The following HMOX2 variants were observed in gnomAD, a reference collection of about 807,000 sequenced individuals.
The protein encoded by HMOX2 is heme oxygenase (decycling) 2.
A neutral mutation model predicts 33.7 loss-of-function variants in HMOX2; 30 were observed. That is an observed-to-expected ratio of 0.89 (90% CI 0.67 to 1.21). The LOEUF (loss-of-function observed/expected upper bound fraction) is 1.21, where lower values mean the gene tolerates loss of function less well. HMOX2 is among the 50% of genes most tolerant of loss of function. The pLI, the probability that HMOX2 is intolerant of heterozygous loss-of-function variation, is 0.00. For synonymous variants in HMOX2, 155 were observed against 155.0 expected (o/e 1.00, Z 0.00); for missense variants, 403 against 399.1 (o/e 1.01, Z -0.08).
intron 1 of HMOX2, among the ~76,000 whole-genome samples, chr16:4,498,374 TCTTAA>T (rs2058475724): frequency 6.7e-6 from 1 of 150,154 alleles, no homozygotes; most frequent in South Asian, 2.1e-4. Flanking sequence ...CTGGATTCAG[TCTTAA>T]CTTGCTCTTT....
chr16:4,492,179 A>G (rs1395034143), intron 1 of HMOX2, among the ~76,000 whole-genome samples: 1 of 151,964 alleles, frequency 6.6e-6, no homozygotes, highest in African/African-American at 2.4e-5. Context: ...TCTACAAAAT[A>G]CTTTTTAAAA....
At chr16:4,508,443 C>T (rs1164170540) in intron 4 of HMOX2, among the ~76,000 whole-genome samples, 2 of 152,200 alleles carry the variant, frequency 1.3e-5, no homozygotes, top group East Asian at 1.9e-4. Flanking sequence ...TGAGTCCTCT[C>T]GCACATAGAG....
rs534817550 is a variant in HMOX2, at chr16:4,497,572, A to G, written c.-41-7912A>G. On this transcript the variant is annotated intron_variant, in intron 1 of 5. Coordinates refer to ENST00000570646, the MANE Select transcript of HMOX2 (RefSeq NM_002134.4). ...TCTACCAGGACTCATCATTGTCCCA[A>G]CAATAGTCGATTCCAGGCCCCTTCT... Among the ~76,000 whole-genome samples, 274 of 152,264 alleles carry G rather than the reference A, an allele frequency of 1.8e-3. 1 individual carries two copies. Among genetic ancestry groups the G allele is most frequent in the African/African-American group, 6.1e-3 (254 of 41,558 alleles).
In HMOX2 at chr16:4,489,261, C is replaced by G. The variant is rs2058249850; in HGVS notation, c.-42+12774C>G. 2.0e-5 allele frequency among the ~76,000 whole-genome samples: 3 copies of G among 152,280 alleles called. No individual in the cohort carries two copies. In the South Asian group the frequency reaches 6.2e-4, roughly 32 times the overall value. ...CACAAAGCATCAAATGCTTATTCCC[C>G]CCACAAGGCCATTCTTATCTTTCAC... On this transcript the variant is annotated intron_variant, in intron 1 of 5. Transcript: ENST00000570646.
chr16:4,501,496 T>C (rs1218848259), intron 1 of HMOX2, among the ~76,000 whole-genome samples: 3 of 152,206 alleles, frequency 2.0e-5, no homozygotes, highest in Non-Finnish European at 4.4e-5. Flanking sequence ...CTGGGTATTA[T>C]TTTGATACAG....
At chr16:4,485,310 G>GGAGGATTCAACCCATC (rs1218242283) in intron 1 of HMOX2, among the ~76,000 whole-genome samples, 1 of 152,110 alleles carries the variant, frequency 6.6e-6, no homozygotes, top group Non-Finnish European at 1.5e-5. Context: ...ATCCACTGAT[G>GGAGGATTCAACCCATC]CAGAGCCCAT....
chr16:4,507,670 G>C, intron 3 of HMOX2, 43 bp from the exon 4 acceptor site: 4 of 1,592,174 alleles, frequency 2.5e-6, no homozygotes, highest in Non-Finnish European at 3.4e-6. Context: ...GCTCGGATGT[G>C]GTGTGCTCAG....
intron 1 of HMOX2, among the ~76,000 whole-genome samples, chr16:4,483,186 TG>T (rs1264378533): frequency 4.5e-5 from 5 of 111,940 alleles, no homozygotes; most frequent in Non-Finnish European, 8.8e-5. Flanking sequence ...TGTGTGTGTG[TG>T]TGTGTGTGTG....
At chr16:4,483,046 A>G (rs1359568103) in intron 1 of HMOX2, among the ~76,000 whole-genome samples, 1 of 152,032 alleles carries the variant, frequency 6.6e-6, no homozygotes, top group African/African-American at 2.4e-5. Context: ...GATACAGATG[A>G]ATAGCCAGAT....
At chr16:4,505,909 G>C (rs1293081918) in intron 2 of HMOX2, among the ~76,000 whole-genome samples, 1 of 152,186 alleles carries the variant, frequency 6.6e-6, no homozygotes, top group Non-Finnish European at 1.5e-5. Flanking sequence ...CATCTGGGCT[G>C]AGAAAGGGTA....
At chr16:4,483,586 G>A (rs2058087141) in intron 1 of HMOX2, 1 of 152,234 alleles carries the variant, frequency 6.6e-6, no homozygotes, top group South Asian at 2.1e-4. Context: ...AACCTAGGGT[G>A]CAGATCAAAT....
At chr16:4,502,034 A>G (rs572338342) in intron 1 of HMOX2, among the ~76,000 whole-genome samples, 3 of 152,288 alleles carry the variant, frequency 2.0e-5, no homozygotes, top group Admixed American at 6.5e-5. Flanking sequence ...TGAGTGTAGA[A>G]AATTTGAAGT....
chr16:4,490,914 G>C (rs1431024700), intron 1 of HMOX2, among the ~76,000 whole-genome samples: 1 of 152,168 alleles, frequency 6.6e-6, no homozygotes. Flanking sequence ...TGGTGGTGGG[G>C]TATGTGTGTG....
At chr16:4,497,904 C>G (rs979289367) in intron 1 of HMOX2, among the ~76,000 whole-genome samples, 1 of 151,966 alleles carries the variant, frequency 6.6e-6, no homozygotes, top group Non-Finnish European at 1.5e-5. Context: ...GGTCTCTTGT[C>G]AGTTTTTGAG....
chr16:4,502,464 A>G (rs1031304812), intron 1 of HMOX2, among the ~76,000 whole-genome samples: 1 of 152,152 alleles, frequency 6.6e-6, no homozygotes, highest in Non-Finnish European at 1.5e-5. Flanking sequence ...GCCTGTAAGA[A>G]GCATGGGGCC....
chr16:4,487,331 A>G (rs1437437916), intron 1 of HMOX2, among the ~76,000 whole-genome samples: 1 of 152,074 alleles, frequency 6.6e-6, no homozygotes, highest in African/African-American at 2.4e-5. Flanking sequence ...AGGTGGGCGG[A>G]TCACCTGAGA....
At chr16:4,485,477 G>A (rs2058144538) in intron 1 of HMOX2, among the ~76,000 whole-genome samples, 2 of 152,156 alleles carry the variant, frequency 1.3e-5, no homozygotes, top group African/African-American at 4.8e-5. Context: ...AAATCACTTT[G>A]TAAGGTTTAT....
chr16:4,475,935 C>G (rs1461130223), upstream of HMOX2: 2 of 152,114 alleles, frequency 1.3e-5, no homozygotes, highest in African/African-American at 4.8e-5. Flanking sequence ...AAAACTCGGT[C>G]TCAAAAAAAG....
chr16:4,506,023 C>T (rs1390776423), intron 2 of HMOX2, among the ~76,000 whole-genome samples: 1 of 152,190 alleles, frequency 6.6e-6, no homozygotes, highest in Non-Finnish European at 1.5e-5. Context: ...ACCTGAGCTT[C>T]CAGGCCCTGT....
Sources: gnomAD v4.1 joint callset for allele counts (sites outside exome capture counted in the v4.1 genomes callset) on GRCh38, gnomAD v4.1.1 for gene constraint, MANE v1.5 for transcripts, NCBI Gene and HGNC (gene_info 2026-07-23, HGNC 2026-07-21) for gene names.